DPY19L2: variants seen among roughly 807,000 people sequenced by gnomAD.
DPY19L2 encodes the protein dpy-19 like 2.
A neutral mutation model predicts 97.9 loss-of-function variants in DPY19L2; 34 were observed. That is an observed-to-expected ratio of 0.35 (90% CI 0.26 to 0.46). DPY19L2 has a LOEUF of 0.46. DPY19L2 is among the 20% of genes least tolerant of loss of function. The pLI is 1.00. For missense variants in DPY19L2, 623 were observed against 911.4 expected (o/e 0.68, Z 4.07); for synonymous variants, 230 against 307.9 (o/e 0.75, Z 2.65).
intron 19 of DPY19L2, among the ~76,000 whole-genome samples, chr12:63,571,255 G>GA (rs1047417194): frequency 3.3e-5 from 5 of 151,960 alleles, no homozygotes; most frequent in African/African-American, 9.7e-5. Context: ...CAATTCTGTG[G>GA]AAAAAATGGT....
At position 63,617,459 on chromosome 12, in the gene DPY19L2, A is replaced by C. The variant is rs1888041630; in HGVS notation, c.1132-69T>G. On this transcript the variant is annotated intron_variant, in intron 10 of 21. Transcript: ENST00000324472. Reference sequence around the variant, plus strand: ...TTGGCATAATGCATATTTTGTAGGTATATAGCCATTTCTAATGCAAATTTA... The same window carrying C: ...TTGGCATAATGCATATTTTGTAGGTCTATAGCCATTTCTAATGCAAATTTA... 2.9e-6 allele frequency: 3 copies of C among 1,028,066 alleles called. No individual in the cohort carries two copies. The East Asian group carries it at 8.1e-5, about 28-fold the overall frequency. The allele number at this position is 1,028,066 out of a possible 1,614,324, so 63.7% of individuals were successfully genotyped here. A position where few individuals can be genotyped will look rare whatever the true frequency, so the allele number is the denominator to read the frequency against.
Position 63,624,820 on chromosome 12 carries a change from C to T in DPY19L2, c.862-689G>A, listed in dbSNP as rs557973882. ...TCTGAAATTCTAGAAAGAATGTGAA[C>T]TCTTATTACTTTGCAAGAGTCTTAA... On this transcript the variant is annotated intron_variant, in intron 7 of 21. Transcript: ENST00000324472. Among the ~76,000 whole-genome samples, 122 of 152,142 alleles carry T rather than the reference C, an allele frequency of 8.0e-4. 1 individual carries two copies. Among genetic ancestry groups the T allele is most frequent in the Non-Finnish European group, 1.6e-3 (107 of 67,992 alleles).
At chr12:63,620,893 A>T (rs1888584798) in intron 9 of DPY19L2, among the ~76,000 whole-genome samples, 1 of 152,054 alleles carries the variant, frequency 6.6e-6, no homozygotes, top group Non-Finnish European at 1.5e-5. Flanking sequence ...AAGGAACAAG[A>T]TCAGGTCCTT....
chr12:63,579,316 G>A (rs1043621950), intron 19 of DPY19L2, among the ~76,000 whole-genome samples: 1 of 152,096 alleles, frequency 6.6e-6, no homozygotes, highest in African/African-American at 2.4e-5. Flanking sequence ...TTTGTGCAGT[G>A]CACAAACTAT....
intron 6 of DPY19L2, among the ~76,000 whole-genome samples, chr12:63,632,986 T>C (rs562464120): frequency 6.6e-6 from 1 of 152,210 alleles, no homozygotes; most frequent in African/African-American, 2.4e-5. Flanking sequence ...ATTTAATAAA[T>C]GATGCTCGGA....
chr12:63,579,496 C>T (rs1880488594), intron 19 of DPY19L2, among the ~76,000 whole-genome samples: 1 of 152,142 alleles, frequency 6.6e-6, no homozygotes, highest in African/African-American at 2.4e-5. Context: ...AAAAGTGAGA[C>T]AGGGGTTTGT....
chr12:63,582,367 A>C (rs770284194), intron 18 of DPY19L2, 39 bp downstream of exon 18: 5 of 1,594,114 alleles, frequency 3.1e-6, no homozygotes, highest in Non-Finnish European at 4.3e-6. Flanking sequence ...TAGCTGCTAT[A>C]GTTTTTATAG....
At chr12:63,634,393 C>T (rs982490488) in intron 6 of DPY19L2, among the ~76,000 whole-genome samples, 17 of 152,200 alleles carry the variant, frequency 1.1e-4, no homozygotes, top group Admixed American at 3.9e-4. Context: ...ACACAGAAGA[C>T]GGGTGATTTC....
intron 6 of DPY19L2, among the ~76,000 whole-genome samples, chr12:63,638,311 C>T (rs180718865): frequency 1.0e-3 from 158 of 152,252 alleles, no homozygotes; most frequent in Middle Eastern, 6.8e-3. Flanking sequence ...GACAGGGTTG[C>T]CCTCTCTCAC....
intron 12 of DPY19L2, among the ~76,000 whole-genome samples, chr12:63,601,871 T>C (rs1885248974): frequency 1.3e-5 from 2 of 152,078 alleles, no homozygotes. Flanking sequence ...ACTGCCATCA[T>C]GCACAAAAAA....
Position 63,567,989 on chromosome 12 carries a change from T to C in DPY19L2, c.2126+1235A>G, listed in dbSNP as rs140980749. Among the ~76,000 whole-genome samples, 1,466 of 152,092 alleles carry C rather than the reference T, an allele frequency of 9.6e-3. 7 individuals are homozygous for C. The highest frequency in any genetic ancestry group is 0.033 in the African/African-American group (1,383 of 41,474). ...TTTCTTTGGGCTTCACTCAGTTGGA[T>C]TTGTTGAGCTTAGCGGATCTCTAAG... On this transcript the variant is annotated intron_variant, in intron 21 of 21. Transcript: ENST00000324472.
At chr12:63,657,559 GT>G (rs34736624) in intron 4 of DPY19L2, among the ~76,000 whole-genome samples, 1,938 of 149,866 alleles carry the variant, frequency 0.013, 46 homozygotes, top group African/African-American at 0.045. Context: ...TAACATTTAG[GT>G]TTTTTTTTTC....
At chr12:63,642,505 G>T (rs1892842920) in intron 6 of DPY19L2, among the ~76,000 whole-genome samples, 1 of 151,986 alleles carries the variant, frequency 6.6e-6, no homozygotes, top group Non-Finnish European at 1.5e-5. Context: ...TATAGTTCCA[G>T]TATCTCCTTG....
At chr12:63,578,796 C>G (rs1382137257) in intron 19 of DPY19L2, among the ~76,000 whole-genome samples, 1 of 152,054 alleles carries the variant, frequency 6.6e-6, no homozygotes, top group Admixed American at 6.6e-5. Flanking sequence ...GGTTCTCAGG[C>G]AGGCATGATT....
intron 16 of DPY19L2, among the ~76,000 whole-genome samples, chr12:63,592,959 C>A (rs1883408140): frequency 6.6e-6 from 1 of 150,844 alleles, no homozygotes; most frequent in African/African-American, 2.4e-5. Flanking sequence ...AACAAACAAC[C>A]CCATCAAAAA....
chr12:63,578,008 CA>C (rs1880174587), intron 19 of DPY19L2, among the ~76,000 whole-genome samples: 1 of 152,102 alleles, frequency 6.6e-6, no homozygotes, highest in Non-Finnish European at 1.5e-5. Context: ...TTTATTGCAG[CA>C]CTTCTCACAA....
chr12:63,597,180 G>A (rs1428755194), intron 14 of DPY19L2, among the ~76,000 whole-genome samples: 1 of 150,924 alleles, frequency 6.6e-6, no homozygotes, highest in Admixed American at 6.6e-5. Flanking sequence ...CCACCATGTT[G>A]GCCAGGCTGG....
chr12:63,627,102 A>T (rs1172776284), intron 6 of DPY19L2, among the ~76,000 whole-genome samples: 1 of 152,142 alleles, frequency 6.6e-6, no homozygotes, highest in Non-Finnish European at 1.5e-5. Context: ...TAAGAAACAG[A>T]CTAGCACTTT....
intron 19 of DPY19L2, among the ~76,000 whole-genome samples, chr12:63,575,531 G>C (rs2137318864): frequency 6.6e-6 from 1 of 151,596 alleles, no homozygotes; most frequent in East Asian, 1.9e-4. Context: ...TTTCTGAAAA[G>C]ATAAAATTAA....
Sources: allele counts gnomAD v4.1 joint callset (sites outside exome capture counted in the v4.1 genomes callset), GRCh38; gene constraint gnomAD v4.1.1; transcripts MANE v1.5; gene names NCBI Gene and HGNC (gene_info 2026-07-23, HGNC 2026-07-21).